Variants in ACACA observed in about 807,000 individuals in gnomAD.
ACACA encodes the protein acetyl-CoA carboxylase alpha.
A neutral mutation model predicts 296.1 loss-of-function variants in ACACA; 103 were observed. The observed-to-expected ratio is 0.35, with a 90% CI of 0.30 to 0.41. ACACA has a LOEUF of 0.41. Ranked by LOEUF, ACACA falls within the 10% of genes least tolerant of loss-of-function variation. The probability of loss-of-function intolerance (pLI) is 1.00; values close to 1 mark genes in which losing one functional copy is unlikely to be tolerated. For synonymous variants in ACACA, 953 were observed against 1,038.6 expected (o/e 0.92, Z 1.58); for missense variants, 1,554 against 2,989.7 (o/e 0.52, Z 11.20).
chr17:37,173,771 A>G (rs977753747), intron 41 of ACACA, among the ~76,000 whole-genome samples: 1 of 150,664 alleles, frequency 6.6e-6, no homozygotes, highest in Non-Finnish European at 1.5e-5. Context: ...CACCCCTGAG[A>G]ACATAAAGCA....
At chr17:37,310,301 G>A (rs1011475543) in intron 3 of ACACA, among the ~76,000 whole-genome samples, 5 of 152,166 alleles carry the variant, frequency 3.3e-5, no homozygotes, top group African/African-American at 1.2e-4. Flanking sequence ...TATTTAGTGA[G>A]ATGTGGAAGA....
chr17:37,288,477 G>A (rs2082891855), intron 3 of ACACA, among the ~76,000 whole-genome samples: 2 of 152,164 alleles, frequency 1.3e-5, no homozygotes, highest in Non-Finnish European at 2.9e-5. Flanking sequence ...ACGAATCAGT[G>A]GGCTGGGGCT....
chr17:37,247,374 C>CTTTTTT (rs59972801), intron 18 of ACACA, among the ~76,000 whole-genome samples: 3 of 145,656 alleles, frequency 2.1e-5, no homozygotes, highest in African/African-American at 2.6e-5. Context: ...TTGTGAATTT[C>CTTTTTT]TTTTTTTTTT....
chr17:37,340,352 G>C (rs553129684), intron 1 of ACACA, among the ~76,000 whole-genome samples: 1 of 152,224 alleles, frequency 6.6e-6, no homozygotes, highest in Non-Finnish European at 1.5e-5. Context: ...CCAAATCCTC[G>C]GTTTCCTTCT....
rs549660722 is a variant in ACACA at position 37,221,741 on chromosome 17, G to A, written c.3666C>T (p.Pro1222=). The change falls in exon 29 of 56, where the codon CCC becomes CCT. Residue 1222 remains proline (P), a synonymous_variant. Coordinates refer to ENST00000616317, the MANE Select transcript of ACACA (RefSeq NM_198834.3). ...TCVVEFQFML[P]TSHPNRGNIP... is the part of the protein sequence containing the mutation. ...AAACTCACCTGTTTGGATGAGATGT[G>A]GGCAGCATGAACTGGAATTCCACCA... The A allele has an allele frequency of 6.2e-7, 1 of 1,613,852 alleles. No homozygotes were observed. Among genetic ancestry groups the A allele is most frequent in the African/African-American group, 1.3e-5 (1 of 74,902 alleles).
intron 3 of ACACA, 71 bp from the exon 4 acceptor site, chr17:37,285,041 A>G (rs2082704035): frequency 6.3e-7 from 1 of 1,577,674 alleles, no homozygotes; most frequent in Admixed American, 1.7e-5. Context: ...TACCATACCC[A>G]TAACAGTACT....
chr17:37,095,754 T>C (rs978825937), intron 54 of ACACA, among the ~76,000 whole-genome samples: 7 of 152,258 alleles, frequency 4.6e-5, no homozygotes, highest in African/African-American at 1.7e-4. Context: ...AAATGATTAA[T>C]CCATATATTA....
chr17:37,359,149 G>A (rs2049289342), intron 1 of ACACA: 5 of 985,018 alleles, frequency 5.1e-6, no homozygotes, highest in African/African-American at 1.7e-5. Flanking sequence ...GGGGCTTCAG[G>A]GGCCTGACCC....
chr17:37,172,280 A>T (rs1264288250), intron 41 of ACACA, among the ~76,000 whole-genome samples: 1 of 152,196 alleles, frequency 6.6e-6, no homozygotes, highest in Admixed American at 6.5e-5. Context: ...TTCAAAGTCA[A>T]TCAAGGTTAC....
At chr17:37,259,662 T>C in intron 11 of ACACA, 132 bp from the exon 12 acceptor site, 3 of 907,552 alleles carry the variant, frequency 3.3e-6, no homozygotes, top group African/African-American at 1.6e-5. Flanking sequence ...TGAGAGCACA[T>C]TTCTGATTAT....
intron 50 of ACACA, among the ~76,000 whole-genome samples, chr17:37,115,630 A>T (rs2074208236): frequency 6.6e-6 from 1 of 152,216 alleles, no homozygotes; most frequent in African/African-American, 2.4e-5. Flanking sequence ...TGACATCTCA[A>T]AAAGAAGGGG....
chr17:37,305,302 G>A (rs1028036323), intron 3 of ACACA, among the ~76,000 whole-genome samples: 27 of 152,180 alleles, frequency 1.8e-4, no homozygotes, highest in Non-Finnish European at 2.9e-4. Flanking sequence ...ATTTGCCTGA[G>A]CTAAATCTGT....
At chr17:37,368,249 G>C (rs919308850) in intron 1 of ACACA, among the ~76,000 whole-genome samples, 8 of 152,164 alleles carry the variant, frequency 5.3e-5, no homozygotes, top group African/African-American at 1.9e-4. Context: ...TCCAGCCTGG[G>C]TGACAGAGCG....
chr17:37,395,694 C>T (rs1191263393), intron 1 of ACACA, among the ~76,000 whole-genome samples: 1 of 152,094 alleles, frequency 6.6e-6, no homozygotes, highest in Non-Finnish European at 1.5e-5. Context: ...AGGCATGCAC[C>T]ACCATGCTCG....
At chr17:37,123,937 T>A (rs769187197) in intron 48 of ACACA, among the ~76,000 whole-genome samples, 1 of 152,214 alleles carries the variant, frequency 6.6e-6, no homozygotes, top group East Asian at 1.9e-4. Flanking sequence ...CAGAACAACT[T>A]CTGTTTTCTA....
chr17:37,138,164 C>G (rs1160542754), intron 45 of ACACA, among the ~76,000 whole-genome samples: 1 of 152,188 alleles, frequency 6.6e-6, no homozygotes, highest in African/African-American at 2.4e-5. Flanking sequence ...TTTCATAATT[C>G]AATATTCCTG....
At chr17:37,135,523 T>A (rs2075294603) in intron 45 of ACACA, among the ~76,000 whole-genome samples, 1 of 152,102 alleles carries the variant, frequency 6.6e-6, no homozygotes, top group African/African-American at 2.4e-5. Context: ...CATGAAGTGA[T>A]CAGGTATGCT....
Position 37,274,214 on chromosome 17 carries a change from T to C in ACACA, c.987A>G (p.Lys329=). The part of the protein sequence containing the change: ...PQELYEKGYV[K]DVDDGLQAAE... ...CTACCTGTAGCCCATCATCCACATCTTTCACATAACCTTTTTCATATAGCT... is the reference window on the plus strand; with the variant it reads ...CTACCTGTAGCCCATCATCCACATCCTTCACATAACCTTTTTCATATAGCT... The change falls in exon 9 of 56, where the codon AAA becomes AAG. Residue 329 remains lysine, a synonymous_variant. Coordinates refer to ENST00000616317, the MANE Select transcript of ACACA (RefSeq NM_198834.3). 6.2e-7 allele frequency: 1 copy of C among 1,614,038 alleles called. No homozygotes were observed. Among genetic ancestry groups the C allele is most frequent in the Non-Finnish European group, 8.5e-7 (1 of 1,179,894 alleles).
In ACACA at chr17:37,193,433, G is replaced by GA. The variant is rs2077847245; in HGVS notation, c.4159-19dup. The GA allele has an allele frequency of 6.3e-6, 10 of 1,585,782 alleles. No individual in the cohort carries two copies. Among genetic ancestry groups the GA allele is most frequent in the Non-Finnish European group, 8.7e-6 (10 of 1,154,672 alleles). ...AATTCTCTCTGTATTAAAGAAGGGG[G>GA]AAAAATGTGTCAGTAGTTCATAGAC... On this transcript the variant is annotated intron_variant, in intron 35 of 55. Transcript: ENST00000616317.
Sources: allele counts gnomAD v4.1 joint callset (sites outside exome capture counted in the v4.1 genomes callset), GRCh38; gene constraint gnomAD v4.1.1; transcripts MANE v1.5; gene names NCBI Gene and HGNC (gene_info 2026-07-23, HGNC 2026-07-21).